CPB1: variants seen among roughly 807,000 people sequenced by gnomAD.
The protein encoded by CPB1 is carboxypeptidase B.
Under a neutral mutation model 51.4 loss-of-function variants are expected in CPB1, and 53 were observed. The observed-to-expected ratio is 1.03, with a 90% CI of 0.83 to 1.30. The LOEUF (loss-of-function observed/expected upper bound fraction) is 1.30. Among genes scored for constraint, CPB1 ranks in the 50% most tolerant of loss-of-function variants. The pLI, the probability that CPB1 is intolerant of heterozygous loss-of-function variation, is 0.00. For missense variants in CPB1, 494 were observed against 516.2 expected, an observed-to-expected ratio of 0.96 and a Z score of 0.42; for synonymous variants, 189 against 186.9, an observed-to-expected ratio of 1.01 and a Z score of -0.09.
chr3:148,846,797 GTATATATATATATATATA>G lies in CPB1; in HGVS notation c.981+1199_981+1216del, dbSNP rs368201293. 1.6e-3 allele frequency among the ~76,000 whole-genome samples: 80 copies of G among 50,542 alleles called. 6 individuals are homozygous for G. The highest frequency in any genetic ancestry group is 8.2e-3 in the South Asian group (10 of 1,226). 33.2% of individuals were successfully genotyped at this position (50,542 alleles called of 152,430 possible). On this transcript the variant is annotated intron_variant, in intron 9 of 10. Coordinates refer to ENST00000282957, the MANE Select transcript of CPB1 (RefSeq NM_001871.3). ...CACATATATATGTGTGTGTGCGTGTGTATATATATATATATATATATATATATATATATATATATATAT... is the reference window on the plus strand; with the variant it reads ...CACATATATATGTGTGTGTGCGTGTGTATATATATATATATATATATATAT...
intron 9 of CPB1, among the ~76,000 whole-genome samples, chr3:148,846,740 T>TA (rs1458318951): frequency 3.1e-4 from 2 of 6,492 alleles, no homozygotes; most frequent in African/African-American, 1.9e-3. Context: ...GCCAAAAATA[T>TA]ATATATATAT....
intron 2 of CPB1, among the ~76,000 whole-genome samples, chr3:148,833,037 C>G (rs761654593): frequency 2.0e-5 from 3 of 152,142 alleles, no homozygotes; most frequent in Non-Finnish European, 4.4e-5. Context: ...TATGCTTTCT[C>G]TTATAATGTG....
At chr3:148,836,972 T>C (rs3772601) in intron 3 of CPB1, among the ~76,000 whole-genome samples, 8,957 of 152,264 alleles carry the variant, frequency 0.059, 303 homozygotes, top group Non-Finnish European at 0.075. Flanking sequence ...AGACCTGTAT[T>C]ATTTGGCAGC....
intron 9 of CPB1, among the ~76,000 whole-genome samples, chr3:148,853,000 A>T (rs1245162036): frequency 6.6e-6 from 1 of 152,132 alleles, no homozygotes; most frequent in African/African-American, 2.4e-5. Flanking sequence ...CTTCTTTTGC[A>T]CCAAAATTAT....
At chr3:148,857,567 A>C (rs748219075) in intron 10 of CPB1, 26 bp downstream of exon 10, 1 of 1,576,352 alleles carries the variant, frequency 6.3e-7, no homozygotes, top group Non-Finnish European at 8.7e-7. Flanking sequence ...AGAACTGTGC[A>C]AAGAACCATG....
chr3:148,859,312 T>C (rs955842070), intron 10 of CPB1, among the ~76,000 whole-genome samples: 3 of 152,220 alleles, frequency 2.0e-5, no homozygotes, highest in African/African-American at 7.2e-5. Context: ...ATGATTGTTA[T>C]TGAATAAATT....
chr3:148,834,502 A>T lies in CPB1; in HGVS notation c.152A>T (p.Asp51Val), dbSNP rs1225794723. ...TATATCTTGTCCTTTATTCAGATTG[A>T]CTTCTGGAAGCCAGATTCTGTCACA... is the stretch of plus-strand genomic sequence containing the variant. ...IRELASTTQI[D>V]FWKPDSVTQI... Residue 51 changes from aspartate to valine, a missense_variant, in exon 3 of 11, where the codon GAC (aspartate) becomes GTC (valine). Transcript: ENST00000282957. 6.2e-7 allele frequency: 1 copy of T among 1,613,450 alleles called. No homozygotes were observed. The highest frequency in any genetic ancestry group is 8.5e-7 in the Non-Finnish European group (1 of 1,179,442).
Position 148,860,079 on chromosome 3 carries a change from C to T in CPB1, c.*77C>T, listed in dbSNP as rs1713707322. On this transcript the variant is annotated 3_prime_UTR_variant, in exon 11 of 11. Coordinates refer to ENST00000282957, the MANE Select transcript of CPB1 (RefSeq NM_001871.3). ...TTTCTTGAATTCTTATTTTGGTTTG[C>T]CTGGATGTTTTGCAGATCCCAATCT... The T allele has an allele frequency of 1.4e-5, 20 of 1,455,424 alleles. No homozygotes were observed. Among genetic ancestry groups the T allele is most frequent in the Non-Finnish European group, 1.8e-5 (19 of 1,065,346 alleles). 90.2% of individuals were successfully genotyped at this position (1,455,424 alleles called of 1,614,324 possible).
chr3:148,848,317 C>A (rs993233657), intron 9 of CPB1, among the ~76,000 whole-genome samples: 7 of 152,060 alleles, frequency 4.6e-5, no homozygotes, highest in African/African-American at 1.4e-4. Context: ...GCACCCAAAT[C>A]TAGTGCCTCC....
intron 9 of CPB1, among the ~76,000 whole-genome samples, chr3:148,852,806 G>A (rs938512856): frequency 1.8e-4 from 27 of 152,202 alleles, no homozygotes; most frequent in African/African-American, 5.5e-4. Flanking sequence ...TTTCATCAGT[G>A]AAAGCGTTCC....
chr3:148,857,866 T>C (rs1179868919), intron 10 of CPB1, among the ~76,000 whole-genome samples: 1 of 152,044 alleles, frequency 6.6e-6, no homozygotes, highest in South Asian at 2.1e-4. Flanking sequence ...ACCATTGCAC[T>C]CCAGCCCGGG....
chr3:148,844,634 G>C (rs375031841), intron 7 of CPB1, 43 bp from the exon 8 acceptor site: 2 of 1,611,946 alleles, frequency 1.2e-6, no homozygotes, highest in East Asian at 2.2e-5. Context: ...TAAAACCAAC[G>C]CCTCTCTATT....
At chr3:148,840,297 T>C (rs899374216) in intron 3 of CPB1, among the ~76,000 whole-genome samples, 1 of 139,496 alleles carries the variant, frequency 7.2e-6, no homozygotes, top group African/African-American at 2.4e-5. Context: ...AGAAAAGTCC[T>C]GAGGAAGAAA....
intron 9 of CPB1, among the ~76,000 whole-genome samples, chr3:148,853,169 T>G (rs1713480767): frequency 6.6e-6 from 1 of 152,208 alleles, no homozygotes; most frequent in Non-Finnish European, 1.5e-5. Flanking sequence ...GAAACAAAGT[T>G]CTACAGAAAA....
At chr3:148,840,652 T>C (rs1374764807) in intron 3 of CPB1, 34 bp from the exon 4 acceptor site, 17 of 1,586,370 alleles carry the variant, frequency 1.1e-5, no homozygotes, top group East Asian at 2.2e-5. Context: ...AATACACTTA[T>C]GTTCATAGGA....
chr3:148,842,607 T>G (rs1398868483), intron 6 of CPB1, among the ~76,000 whole-genome samples: 1 of 152,176 alleles, frequency 6.6e-6, no homozygotes, highest in Admixed American at 6.5e-5. Flanking sequence ...GTACAAAGAA[T>G]GAGCAAAACA....
At chr3:148,846,646 A>T (rs1713246981) in intron 9 of CPB1, among the ~76,000 whole-genome samples, 1 of 150,286 alleles carries the variant, frequency 6.7e-6, no homozygotes, top group African/African-American at 2.4e-5. Context: ...CTCCTAGAAA[A>T]TTGATAGCTA....
chr3:148,836,299 T>G (rs1222610669), intron 3 of CPB1, among the ~76,000 whole-genome samples: 2 of 152,100 alleles, frequency 1.3e-5, no homozygotes, highest in East Asian at 3.9e-4. Context: ...AACAAAGATA[T>G]AACCTGGTAA....
chr3:148,859,867 T>G lies in CPB1; in HGVS notation c.1119T>G (p.Tyr373Ter), dbSNP rs746191455. The change falls in exon 11 of 11, where the codon TAT becomes TAG. Residue 373 changes from tyrosine (Y) to a stop codon, truncating the protein, a stop_gained. Transcript: ENST00000282957. LOFTEE classifies it high-confidence loss of function. ...DDWAYDQGIR[Y>*]SFTFELRDTG... Reference sequence around the variant, plus strand: ...GGGCTTATGACCAAGGAATCAGATATTCCTTCACCTTTGAACTTCGAGATA... The same window carrying G: ...GGGCTTATGACCAAGGAATCAGATAGTCCTTCACCTTTGAACTTCGAGATA... 6.2e-7 allele frequency: 1 copy of G among 1,614,158 alleles called. No homozygotes were observed. The highest frequency in any genetic ancestry group is 8.5e-7 in the Non-Finnish European group (1 of 1,180,000).
Sources: allele counts gnomAD v4.1 joint callset (sites outside exome capture counted in the v4.1 genomes callset), GRCh38; gene constraint gnomAD v4.1.1; transcripts MANE v1.5; gene names NCBI Gene and HGNC (gene_info 2026-07-23, HGNC 2026-07-21).